PAPPA: variants seen among roughly 807,000 people sequenced by gnomAD.
The protein encoded by PAPPA is pappalysin 1.
In PAPPA, 60 loss-of-function variants were observed where a neutral mutation model predicts 164.0. That is an observed-to-expected ratio of 0.37 (90% confidence interval 0.30 to 0.45). The LOEUF is 0.45. Ranked by LOEUF, PAPPA falls within the 20% of genes least tolerant of loss-of-function variation. The pLI is 1.00. For synonymous variants in PAPPA, 875 were observed against 814.1 expected, an observed-to-expected ratio of 1.07 and a Z score of -1.27; for missense variants, 1,782 against 2,087.3, an observed-to-expected ratio of 0.85 and a Z score of 2.85.
intron 1 of PAPPA, among the ~76,000 whole-genome samples, chr9:116,175,126 G>A (rs761316719): frequency 1.3e-5 from 2 of 152,078 alleles, no homozygotes; most frequent in African/African-American, 2.4e-5. Flanking sequence ...CAAACCTAAT[G>A]ACCACTGATG....
At chr9:116,313,096 A>AG (rs928395783) in intron 10 of PAPPA, among the ~76,000 whole-genome samples, 5 of 151,602 alleles carry the variant, frequency 3.3e-5, no homozygotes, top group African/African-American at 1.2e-4. Context: ...AAAAAAAAAA[A>AG]AAAAAGAAAC....
chr9:116,221,082 C>T (rs1844440418), intron 5 of PAPPA, among the ~76,000 whole-genome samples: 1 of 152,048 alleles, frequency 6.6e-6, no homozygotes, highest in African/African-American at 2.4e-5. Context: ...GAGCAAGTCA[C>T]TTTCTGTCTC....
At chr9:116,391,829 G>T (rs1846897004) in intron 21 of PAPPA, among the ~76,000 whole-genome samples, 2 of 152,230 alleles carry the variant, frequency 1.3e-5, no homozygotes, top group Non-Finnish European at 2.9e-5. Flanking sequence ...TTCATGCTGT[G>T]GGTGGTAGGT....
rs868271273 is a variant in PAPPA at position 116,156,053 on chromosome 9, T to C, written c.415+1466T>C. On this transcript the variant is annotated intron_variant, in intron 1 of 21. Coordinates refer to ENST00000328252, the MANE Select transcript of PAPPA (RefSeq NM_002581.5). ...ATGGTGATAATTTAGAGCTGTAGTA[T>C]GTTGACTTCTCTTTCCAAACATGTG... 1.8e-4 allele frequency among the ~76,000 whole-genome samples: 28 copies of C among 151,768 alleles called. No homozygotes were observed. The Middle Eastern group carries it at 0.014, about 74-fold the overall frequency.
intron 1 of PAPPA, among the ~76,000 whole-genome samples, chr9:116,162,011 C>G (rs1358318710): frequency 6.6e-6 from 1 of 152,088 alleles, no homozygotes; most frequent in Non-Finnish European, 1.5e-5. Context: ...AGCTGAAAGT[C>G]GTGACACAGC....
rs762087043 is a variant in PAPPA, at chr9:116,187,271, G to A, written c.533G>A (p.Arg178Gln). The A allele has an allele frequency of 3.1e-6, 5 of 1,614,102 alleles. No homozygotes were observed. Among genetic ancestry groups the A allele is most frequent in the South Asian group, 2.2e-5 (2 of 91,076 alleles). ...PRYFFSLKTDRARQVTTINAH... is the reference protein window; with the variant it reads ...PRYFFSLKTDQARQVTTINAH... ...TACTTTTTCTCCTTGAAGACAGACC[G>A]AGCCCGGCAAGTGACCACCATCAAT... Residue 178 changes from arginine to glutamine, a missense_variant, in exon 2 of 22, where the codon CGA becomes CAA. Arg to Gln is a conservative substitution (Grantham distance 43). Transcript: ENST00000328252. The surrounding 1 kb of genome is among the most constrained non-coding windows in gnomAD (Gnocchi z 4.2).
chr9:116,306,715 T>A (rs1845651370), intron 10 of PAPPA, among the ~76,000 whole-genome samples: 2 of 152,220 alleles, frequency 1.3e-5, no homozygotes, highest in Admixed American at 1.3e-4. Flanking sequence ...ATTGTTCTTA[T>A]TTGGTCTCCA....
At chr9:116,368,005 T>A (rs941185242) in intron 19 of PAPPA, among the ~76,000 whole-genome samples, 1 of 152,224 alleles carries the variant, frequency 6.6e-6, no homozygotes, top group Non-Finnish European at 1.5e-5. Context: ...AAGGGCCTTT[T>A]ATTTACTGTC....
intron 1 of PAPPA, among the ~76,000 whole-genome samples, chr9:116,163,260 G>A (rs954547407): frequency 1.3e-5 from 2 of 152,312 alleles, no homozygotes; most frequent in Non-Finnish European, 2.9e-5. Context: ...AAAAAGTTGA[G>A]AAGGAAGTCT....
intron 10 of PAPPA, 105 bp from the exon 11 acceptor site, chr9:116,331,139 G>A (rs978686942): frequency 7.3e-6 from 5 of 685,990 alleles, no homozygotes; most frequent in African/African-American, 1.8e-5. Flanking sequence ...TTTTCCTGTG[G>A]TGCCAAGAGC....
At chr9:116,333,944 C>A (rs1846026079) in intron 12 of PAPPA, among the ~76,000 whole-genome samples, 1 of 152,184 alleles carries the variant, frequency 6.6e-6, no homozygotes, top group Non-Finnish European at 1.5e-5. Context: ...GAGAAGGGCA[C>A]CTGCTTCAGG....
intron 6 of PAPPA, among the ~76,000 whole-genome samples, chr9:116,228,670 G>A (rs1055120200): frequency 6.6e-5 from 10 of 152,092 alleles, no homozygotes; most frequent in African/African-American, 2.4e-4. Flanking sequence ...AGGGATGTCT[G>A]GGAAAAGCCC....
intron 1 of PAPPA, among the ~76,000 whole-genome samples, chr9:116,169,566 C>T (rs1843753698): frequency 1.3e-5 from 2 of 151,730 alleles, no homozygotes; most frequent in South Asian, 2.1e-4. Context: ...GTGATCCGCC[C>T]ACCTTGGCCT....
At position 116,242,523 on chromosome 9, in the gene PAPPA, C is replaced by T. The variant is rs187076164; in HGVS notation, c.2732+6886C>T. Among the ~76,000 whole-genome samples the T allele has an allele frequency of 2.7e-3, 409 of 152,314 alleles. 2 individuals carry two copies. Among genetic ancestry groups the T allele is most frequent in the Non-Finnish European group, 4.2e-3 (287 of 68,032 alleles). ...TACTTCAATCTTTTTAGCTGCTGTA[C>T]AGTATCCCACAGTATGAATGTGCTG... On this transcript the variant is annotated intron_variant, in intron 7 of 21. Transcript: ENST00000328252.
At chr9:116,389,829 TCTTC>T in intron 21 of PAPPA, among the ~76,000 whole-genome samples, 1 of 152,056 alleles carries the variant, frequency 6.6e-6, no homozygotes, top group Non-Finnish European at 1.5e-5. Flanking sequence ...TTTCTTTCTT[TCTTC>T]CCTAATACTT....
At chr9:116,384,263 C>A (rs1846772656) in intron 21 of PAPPA, among the ~76,000 whole-genome samples, 1 of 67,032 alleles carries the variant, frequency 1.5e-5, no homozygotes, top group African/African-American at 6.3e-5. Flanking sequence ...CTTGTCTCTA[C>A]ACGTAATTAA....
intron 9 of PAPPA, chr9:116,287,385 G>A (rs1845353346): frequency 6.6e-6 from 1 of 152,182 alleles, no homozygotes; most frequent in South Asian, 2.1e-4. Context: ...GTGAATAAAG[G>A]ACAAATGGGG....
chr9:116,334,239 A>T (rs1846029955), intron 12 of PAPPA, among the ~76,000 whole-genome samples: 1 of 69,686 alleles, frequency 1.4e-5, no homozygotes, highest in Non-Finnish European at 3.5e-5. Context: ...TGGCTGCATT[A>T]AAAAAAAAAA....
chr9:116,306,322 G>A (rs1845645662), intron 10 of PAPPA, among the ~76,000 whole-genome samples: 1 of 152,174 alleles, frequency 6.6e-6, no homozygotes, highest in African/African-American at 2.4e-5. Context: ...AACATGCATT[G>A]TGCTATATGG....
Sources: allele counts gnomAD v4.1 joint callset (sites outside exome capture counted in the v4.1 genomes callset), GRCh38; gene constraint gnomAD v4.1.1; non-coding constraint Gnocchi (gnomAD v3.1); transcripts MANE v1.5; gene names NCBI Gene and HGNC (gene_info 2026-07-23, HGNC 2026-07-21).